The following SCAMP1 variants were observed in gnomAD, a reference collection of about 807,000 sequenced individuals.
SCAMP1 encodes the protein secretory carrier-associated membrane protein 1.
A neutral mutation model predicts 41.8 loss-of-function variants in SCAMP1; 15 were observed. That is an observed-to-expected ratio of 0.36 (90% confidence interval 0.24 to 0.55). SCAMP1 has a LOEUF of 0.55. Among genes scored for constraint, SCAMP1 ranks in the 20% least tolerant of loss-of-function variants. The probability of loss-of-function intolerance (pLI) is 0.86; values close to 1 mark genes in which losing one functional copy is unlikely to be tolerated. For synonymous variants in SCAMP1, 135 were observed against 136.8 expected, an observed-to-expected ratio of 0.99 and a Z score of 0.09; for missense variants, 341 against 412.6, an observed-to-expected ratio of 0.83 and a Z score of 1.50.
At chr5:78,449,212 T>G (rs1449267139) in intron 6 of SCAMP1, among the ~76,000 whole-genome samples, 1 of 151,912 alleles carries the variant, frequency 6.6e-6, no homozygotes, top group African/African-American at 2.4e-5. Flanking sequence ...CAATAATAAC[T>G]TTATTTATAA....
intron 7 of SCAMP1, among the ~76,000 whole-genome samples, chr5:78,454,066 C>A (rs1753316170): frequency 6.6e-6 from 1 of 152,218 alleles, no homozygotes; most frequent in Non-Finnish European, 1.5e-5. Context: ...TGCTTCTCAG[C>A]TTAAGGAGAT....
intron 1 of SCAMP1, among the ~76,000 whole-genome samples, chr5:78,361,507 G>A (rs984026764): frequency 4.6e-5 from 7 of 152,184 alleles, no homozygotes; most frequent in Admixed American, 4.6e-4. Flanking sequence ...TTTCCTACTT[G>A]AGCTGCTTTT....
At position 78,388,882 on chromosome 5, in the gene SCAMP1, G is replaced by T; in HGVS notation, c.103G>T (p.Asp35Tyr). The part of the protein sequence containing the change: ...QVTRNVPPGL[D>Y]EYNPFSDSRT... ...GACAAGAAATGTTCCACCAGGACTT[G>T]ATGAATATAATCCATTCTCGGATTC... is the stretch of plus-strand genomic sequence containing the variant. The change falls in exon 2 of 9, where the codon GAT (aspartate) becomes TAT (tyrosine). Residue 35 changes from aspartate (D) to tyrosine (Y), a missense_variant. Physicochemically the swap from Asp to Tyr is radical, Grantham distance 160. Transcript: ENST00000621999. 1 of 1,561,484 alleles carries T rather than the reference G, an allele frequency of 6.4e-7. No individual in the cohort carries two copies. The highest frequency in any genetic ancestry group is 8.8e-7 in the Non-Finnish European group (1 of 1,137,222).
chr5:78,395,541 T>TGG (rs1751629695), intron 2 of SCAMP1, among the ~76,000 whole-genome samples: 1 of 152,224 alleles, frequency 6.6e-6, no homozygotes, highest in Non-Finnish European at 1.5e-5. Flanking sequence ...CTCAGGGTCT[T>TGG]ACAAGGCTGT....
At chr5:78,386,471 AGGT>A (rs1751343610) in intron 1 of SCAMP1, among the ~76,000 whole-genome samples, 1 of 151,994 alleles carries the variant, frequency 6.6e-6, no homozygotes, top group East Asian at 1.9e-4. Context: ...TTGAGATGTG[AGGT>A]ACTGTTCTAT....
chr5:78,453,661 C>T lies in SCAMP1; in HGVS notation c.734+3627C>T, dbSNP rs529687061. On this transcript the variant is annotated intron_variant, in intron 7 of 8. Coordinates refer to ENST00000621999, the MANE Select transcript of SCAMP1 (RefSeq NM_004866.6). ...TTCTTTTGGCTTAGGATAGCCTTGG[C>T]GATGCGGGCTCTTTTTTGGTTCCAT... Among the ~76,000 whole-genome samples the T allele has an allele frequency of 4.6e-5, 7 of 152,066 alleles. No homozygotes were observed. In the East Asian group the frequency reaches 5.8e-4, roughly 13 times the overall value.
chr5:78,450,047 T>G lies in SCAMP1; in HGVS notation c.734+13T>G. On this transcript the variant is annotated intron_variant, in intron 7 of 8. Coordinates refer to ENST00000621999, the MANE Select transcript of SCAMP1 (RefSeq NM_004866.6). ...ACTGGGGCAATTGGTAAGTTTTTTTTTTTACTAGTTTTCAGCTTTAATCTA... is the reference window on the plus strand; with the variant it reads ...ACTGGGGCAATTGGTAAGTTTTTTTGTTTACTAGTTTTCAGCTTTAATCTA... 2 of 1,418,816 alleles carry G rather than the reference T, an allele frequency of 1.4e-6. No individual in the cohort carries two copies. Among genetic ancestry groups the G allele is most frequent in the Non-Finnish European group, 1.9e-6 (2 of 1,027,752 alleles). 87.9% of individuals were successfully genotyped at this position (1,418,816 alleles called of 1,614,324 possible).
chr5:78,418,025 T>A (rs1258989271), intron 4 of SCAMP1, among the ~76,000 whole-genome samples: 1 of 152,154 alleles, frequency 6.6e-6, no homozygotes, highest in Non-Finnish European at 1.5e-5. Flanking sequence ...CTTCTTTATT[T>A]TAATTTTTTA....
At chr5:78,406,353 A>G (rs1229478853) in intron 2 of SCAMP1, among the ~76,000 whole-genome samples, 1 of 152,234 alleles carries the variant, frequency 6.6e-6, no homozygotes, top group South Asian at 2.1e-4. Flanking sequence ...TTTAGACCCT[A>G]CATACACTTT....
chr5:78,431,980 ACT>A (rs1752636347), intron 6 of SCAMP1, among the ~76,000 whole-genome samples: 1 of 151,740 alleles, frequency 6.6e-6, no homozygotes, highest in Admixed American at 6.6e-5. Flanking sequence ...ATTTAGTTAT[ACT>A]CTTTTAGTTA....
intron 6 of SCAMP1, among the ~76,000 whole-genome samples, chr5:78,423,146 A>C (rs1266545498): frequency 6.6e-6 from 1 of 152,214 alleles, no homozygotes; most frequent in African/African-American, 2.4e-5. Flanking sequence ...AAAATGTATC[A>C]GACAATGAAG....
intron 8 of SCAMP1, among the ~76,000 whole-genome samples, chr5:78,462,216 T>TGC (rs1753635864): frequency 6.6e-6 from 1 of 151,938 alleles, no homozygotes; most frequent in Non-Finnish European, 1.5e-5. Flanking sequence ...TGTGTGTGTG[T>TGC]GTGTGTGTGT....
At chr5:78,389,434 T>C (rs1489592210) in intron 2 of SCAMP1, among the ~76,000 whole-genome samples, 1 of 152,134 alleles carries the variant, frequency 6.6e-6, no homozygotes, top group Non-Finnish European at 1.5e-5. Flanking sequence ...TTTTTTTCTT[T>C]TAAAAATTTA....
chr5:78,389,279 G>T (rs1486278999), intron 2 of SCAMP1, among the ~76,000 whole-genome samples: 1 of 152,106 alleles, frequency 6.6e-6, no homozygotes, highest in Non-Finnish European at 1.5e-5. Context: ...CGTGGAAACT[G>T]TGTAGAACTG....
At chr5:78,394,034 T>G (rs1016503523) in intron 2 of SCAMP1, among the ~76,000 whole-genome samples, 1 of 152,188 alleles carries the variant, frequency 6.6e-6, no homozygotes, top group African/African-American at 2.4e-5. Flanking sequence ...TTAGGGATTG[T>G]CTGCCTGGTT....
At chr5:78,451,232 G>A (rs1030502310) in intron 7 of SCAMP1, among the ~76,000 whole-genome samples, 2 of 152,150 alleles carry the variant, frequency 1.3e-5, no homozygotes, top group Admixed American at 1.3e-4. Context: ...CCCTCATGTA[G>A]TTCAGATTTT....
intron 2 of SCAMP1, among the ~76,000 whole-genome samples, chr5:78,391,771 G>A (rs989223488): frequency 2.6e-5 from 4 of 152,230 alleles, no homozygotes; most frequent in Non-Finnish European, 4.4e-5. Flanking sequence ...TCAGAAGGCC[G>A]AGGCTGGCGG....
At position 78,460,788 on chromosome 5, in the gene SCAMP1, C is replaced by T. The variant is rs1173413149; in HGVS notation, c.852+1426C>T. Among the ~76,000 whole-genome samples the T allele has an allele frequency of 4.7e-4, 16 of 33,856 alleles. 2 individuals are homozygous for T. The highest frequency in any genetic ancestry group is 3.0e-3 in the South Asian group (2 of 662). The allele number at this position is 33,856 out of a possible 152,430, so 22.2% of individuals were successfully genotyped here. On this transcript the variant is annotated intron_variant, in intron 8 of 8. Transcript: ENST00000621999. ...TCCTTCCTTCCTTCCTTCCTTCCTT[C>T]CTTCCTTCCTTCCTTCCTCCCTTCC... is the stretch of plus-strand genomic sequence containing the variant.
chr5:78,378,722 C>T (rs12110158), intron 1 of SCAMP1, among the ~76,000 whole-genome samples: 56,089 of 152,052 alleles, frequency 0.37, 12,444 homozygotes, highest in Non-Finnish European at 0.5. Flanking sequence ...ACTCTAATGT[C>T]TATGCATAGT....
Sources: gnomAD v4.1 joint callset for allele counts (sites outside exome capture counted in the v4.1 genomes callset) on GRCh38, gnomAD v4.1.1 for gene constraint, MANE v1.5 for transcripts, NCBI Gene and HGNC (gene_info 2026-07-23, HGNC 2026-07-21) for gene names.